The following NBR1 variants were observed in gnomAD, a reference collection of about 807,000 sequenced individuals.
The protein encoded by NBR1 is next to BRCA1 gene 1 protein.
NBR1 carries 59 observed loss-of-function variants against 115.5 expected under a neutral mutation model. That is an observed-to-expected ratio of 0.51 (90% CI 0.41 to 0.63). NBR1 has a LOEUF of 0.63. NBR1 is among the 30% of genes least tolerant of loss of function. The probability of loss-of-function intolerance (pLI) is 0.00; values close to 1 mark genes in which losing one functional copy is unlikely to be tolerated. For missense variants in NBR1, 1,043 were observed against 1,150.5 expected, an observed-to-expected ratio of 0.91 and a Z score of 1.35; for synonymous variants, 373 against 414.7, an observed-to-expected ratio of 0.90 and a Z score of 1.22.
intron 14 of NBR1, chr17:43,195,838 A>C (rs562053523): frequency 6.7e-6 from 1 of 149,094 alleles, no homozygotes; most frequent in South Asian, 2.1e-4. Flanking sequence ...AAACAAAAAA[A>C]AGAGGCTGGG....
intron 6 of NBR1, among the ~76,000 whole-genome samples, chr17:43,188,520 A>T (rs992688745): frequency 6.6e-6 from 1 of 152,152 alleles, no homozygotes; most frequent in Non-Finnish European, 1.5e-5. Flanking sequence ...TGTTTTAGTC[A>T]TGAAGTCTTT....
intron 9 of NBR1, 73 bp from the exon 10 acceptor site, chr17:43,191,299 T>C (rs1306056974): frequency 2.8e-6 from 3 of 1,068,276 alleles, no homozygotes; most frequent in Admixed American, 2.4e-5. Context: ...CTGATGGAAA[T>C]TGCAATTGGC....
Position 43,210,477 on chromosome 17 carries a change from G to A in NBR1, c.*403G>A, listed in dbSNP as rs2057398320. The A allele has an allele frequency of 2.5e-6, 1 of 397,200 alleles. No homozygotes were observed. Among genetic ancestry groups the A allele is most frequent in the Admixed American group, 4.4e-5 (1 of 22,698 alleles). 24.6% of individuals were successfully genotyped at this position (397,200 alleles called of 1,614,324 possible). A position where few individuals can be genotyped will look rare whatever the true frequency, so the allele number is the denominator to read the frequency against. Reference sequence around the variant, plus strand: ...TTGAAAGACATTAACCTCGGAAGTTGTTTTTAAGAATTATTCTCATAATTC... The same window carrying A: ...TTGAAAGACATTAACCTCGGAAGTTATTTTTAAGAATTATTCTCATAATTC... On this transcript the variant is annotated 3_prime_UTR_variant, in exon 21 of 21. Transcript: ENST00000590996.
intron 20 of NBR1, chr17:43,209,527 CCAT>C (rs1387104251): frequency 6.7e-7 from 1 of 1,494,360 alleles, no homozygotes; most frequent in African/African-American, 1.4e-5. Context: ...CATACTTCCC[CCAT>C]CATCACAATT....
intron 5 of NBR1, among the ~76,000 whole-genome samples, chr17:43,185,256 C>T (rs1483827462): frequency 1.3e-5 from 2 of 152,072 alleles, no homozygotes; most frequent in African/African-American, 2.4e-5. Context: ...CATGACCGGC[C>T]TGGGTAATGT....
At chr17:43,208,031 C>G (rs899797962) in intron 20 of NBR1, among the ~76,000 whole-genome samples, 2 of 152,086 alleles carry the variant, frequency 1.3e-5, no homozygotes, top group East Asian at 3.9e-4. Flanking sequence ...AAGCTGGGAA[C>G]TAGGAGGAAA....
chr17:43,191,499 C>T lies in NBR1; in HGVS notation c.991C>T (p.Leu331=). The T allele has an allele frequency of 6.2e-7, 1 of 1,613,200 alleles. No individual in the cohort carries two copies. Among genetic ancestry groups the T allele is most frequent in the Non-Finnish European group, 8.5e-7 (1 of 1,179,574 alleles). Residue 331 remains leucine, a synonymous_variant, in exon 10 of 21, where the codon CTG becomes TTG. Coordinates refer to ENST00000590996, the MANE Select transcript of NBR1 (RefSeq NM_005899.5). ...GCTTAAACTCCATAGGAAAATTCAC[C>T]TGTGGAATTCAATCCATGGACTCCA... ...KQLKLHRKIH[L]WNSIHGLQSP... is the part of the protein sequence containing the mutation.
intron 20 of NBR1, among the ~76,000 whole-genome samples, chr17:43,207,428 G>C (rs1055929764): frequency 6.6e-6 from 1 of 152,198 alleles, no homozygotes; most frequent in Non-Finnish European, 1.5e-5. Context: ...CTAGATTGTA[G>C]CTCACTGCAG....
At position 43,187,554 on chromosome 17, in the gene NBR1, G is replaced by A. The variant is rs1240535776; in HGVS notation, c.402+1110G>A. Among the ~76,000 whole-genome samples the A allele has an allele frequency of 2.3e-5, 3 of 131,858 alleles. No homozygotes were observed. The East Asian group carries it at 6.8e-4, about 30-fold the overall frequency. The allele number at this position is 131,858 out of a possible 152,430, so 86.5% of individuals were successfully genotyped here. A position where few individuals can be genotyped will look rare whatever the true frequency, so the allele number is the denominator to read the frequency against. ...GACAGAGTCTTGCACCTTCGCCCTG[G>A]CTGGAGTACAGTGGCGTGATCTTGG... On this transcript the variant is annotated intron_variant, in intron 6 of 20. Transcript: ENST00000590996.
rs993630832 is a variant in NBR1 at position 43,197,519 on chromosome 17, A to C, written c.2026+413A>C. On this transcript the variant is annotated intron_variant, in intron 16 of 20. Coordinates refer to ENST00000590996, the MANE Select transcript of NBR1 (RefSeq NM_005899.5). Reference sequence around the variant, plus strand: ...GGGCGACAAAGCGAGACTCCATCTCAAAAAAAAAAAAAGAAATTCTGATCT... The same window carrying C: ...GGGCGACAAAGCGAGACTCCATCTCCAAAAAAAAAAAAGAAATTCTGATCT... Among the ~76,000 whole-genome samples the C allele has an allele frequency of 3.4e-4, 24 of 71,528 alleles. No individual in the cohort carries two copies. In the Admixed American group the frequency reaches 3.4e-3, roughly 10 times the overall value. The allele number at this position is 71,528 out of a possible 152,430, so 46.9% of individuals were successfully genotyped here.
At chr17:43,190,096 T>C in intron 8 of NBR1, 4 of 218,760 alleles carry the variant, frequency 1.8e-5, no homozygotes, top group Middle Eastern at 1.8e-3. Flanking sequence ...CAAATGCCTT[T>C]TTTTTTTTTT....
chr17:43,191,579 G>A lies in NBR1; in HGVS notation c.1071G>A (p.Leu357=). 6.2e-7 allele frequency: 1 copy of A among 1,606,660 alleles called. No homozygotes were observed. Among genetic ancestry groups the A allele is most frequent in the Non-Finnish European group, 8.5e-7 (1 of 1,176,804 alleles). ...AGAGCTTGCTCCAGTCTAATACCCT[G>A]ATGTAAGCCCAGGACTGGGGTGGGA... The part of the protein sequence containing the change: ...RPESLLQSNT[L]MLPLQPCTSV... Residue 357 remains leucine (L), a splice_region_variant and synonymous_variant, in exon 10 of 21, where the codon CTG becomes CTA. Transcript: ENST00000590996.
chr17:43,191,539 C>T lies in NBR1; in HGVS notation c.1031C>T (p.Pro344Leu), dbSNP rs773401859. ...SIHGLQSPKS[P>L]LGRPESLLQS... ...CATGGACTCCAGAGCCCCAAGTCTC[C>T]TTTAGGCCGACCTGAGAGCTTGCTC... The change falls in exon 10 of 21, where the codon CCT becomes CTT. Residue 344 changes from proline (P) to leucine (L), a missense_variant. Transcript: ENST00000590996. 8.7e-6 allele frequency: 14 copies of T among 1,613,138 alleles called. No homozygotes were observed. Among genetic ancestry groups the T allele is most frequent in the Admixed American group, 3.3e-5 (2 of 59,900 alleles).
At position 43,200,382 on chromosome 17, in the gene NBR1, G is replaced by T. The variant is rs1177561316; in HGVS notation, c.2242G>T (p.Asp748Tyr). The change falls in exon 17 of 21, where the codon GAT becomes TAT. Residue 748 changes from aspartate (D) to tyrosine (Y), a missense_variant. By Grantham distance (160) the Asp-to-Tyr change is radical. Transcript: ENST00000590996. ...ECFDTSRPLGDSMYSSALSQP... is the reference protein window; with the variant it reads ...ECFDTSRPLGYSMYSSALSQP... ...CTTTGATACCAGCCGCCCCCTGGGGGATTCTATGTACAGCTCTGCGCTCTC... is the reference window on the plus strand; with the variant it reads ...CTTTGATACCAGCCGCCCCCTGGGGTATTCTATGTACAGCTCTGCGCTCTC... 2 of 1,582,416 alleles carry T rather than the reference G, an allele frequency of 1.3e-6. No homozygotes were observed. Among genetic ancestry groups the T allele is most frequent in the Non-Finnish European group, 1.7e-6 (2 of 1,164,514 alleles).
intron 1 of NBR1, among the ~76,000 whole-genome samples, chr17:43,172,654 T>TGGTGAAC (rs1302579608): frequency 6.6e-6 from 1 of 151,960 alleles, no homozygotes; most frequent in African/African-American, 2.4e-5. Context: ...ATTATTTTGG[T>TGGTGAAC]GGTGAACTTG....
Position 43,193,606 on chromosome 17 carries a change from A to G in NBR1, c.1492A>G (p.Ser498Gly). ...DNIEKGMISS[S>G]KTDDLTCQQE... ...CATTGAAAAGGGCATGATCAGCTCA[A>G]GCAAAACTGATGATCTCACCTGCCA... The change falls in exon 12 of 21, where the codon AGC (serine) becomes GGC (glycine). Residue 498 changes from serine (S) to glycine (G), a missense_variant. Coordinates refer to ENST00000590996, the MANE Select transcript of NBR1 (RefSeq NM_005899.5). 1.2e-6 allele frequency: 2 copies of G among 1,610,886 alleles called. No homozygotes were observed. The highest frequency in any genetic ancestry group is 2.2e-5 in the East Asian group (1 of 44,836).
At chr17:43,188,056 A>AT (rs1000535817) in intron 6 of NBR1, among the ~76,000 whole-genome samples, 6 of 151,056 alleles carry the variant, frequency 4.0e-5, no homozygotes, top group African/African-American at 1.5e-4. Flanking sequence ...ACGCCTAGCT[A>AT]TTTTTTTGTA....
chr17:43,199,831 G>T (rs1311921605), intron 16 of NBR1, among the ~76,000 whole-genome samples: 2 of 152,064 alleles, frequency 1.3e-5, no homozygotes, highest in Non-Finnish European at 2.9e-5. Flanking sequence ...CACTGTTAGT[G>T]TATCAGTTTT....
At position 43,211,641 on chromosome 17, in the gene NBR1, A is replaced by G. The variant is rs1244353672; in HGVS notation, c.*1567A>G. 2.0e-5 allele frequency: 3 copies of G among 152,236 alleles called. No individual in the cohort carries two copies. Among genetic ancestry groups the G allele is most frequent in the South Asian group, 2.1e-4 (1 of 4,822 alleles). The allele number at this position is 152,236 out of a possible 1,614,324, so 9.4% of individuals were successfully genotyped here. On this transcript the variant is annotated 3_prime_UTR_variant, in exon 21 of 21. Coordinates refer to ENST00000590996, the MANE Select transcript of NBR1 (RefSeq NM_005899.5). The stretch of plus-strand genomic sequence containing the variant: ...CTCTCCTGGTTATGTATGTACTTGT[A>G]CATAACCACCTAAAGAATGGTGAAA...
Sources: gnomAD v4.1 joint callset for allele counts (sites outside exome capture counted in the v4.1 genomes callset) on GRCh38, gnomAD v4.1.1 for gene constraint, MANE v1.5 for transcripts, NCBI Gene and HGNC (gene_info 2026-07-23, HGNC 2026-07-21) for gene names.